NRG3: variants seen among roughly 807,000 people sequenced by gnomAD.
The protein encoded by NRG3 is pro-neuregulin-3, membrane-bound isoform.
NRG3 carries 31 observed loss-of-function variants against 66.9 expected under a neutral mutation model. The ratio of observed to expected loss-of-function variants is 0.46; its 90% CI spans 0.35 to 0.63. NRG3 has a LOEUF of 0.63. NRG3 is among the 20% of genes least tolerant of loss of function. The pLI is 0.00. For missense variants in NRG3, 910 were observed against 878.9 expected (o/e 1.04, Z -0.45); for synonymous variants, 393 against 359.4 (o/e 1.09, Z -1.06).
At chr10:82,725,972 A>G (rs962649931) in intron 2 of NRG3, among the ~76,000 whole-genome samples, 13 of 152,204 alleles carry the variant, frequency 8.5e-5, no homozygotes, top group Admixed American at 7.2e-4. Flanking sequence ...TTAGGGGAAA[A>G]TTAAGGTTAA....
intron 1 of NRG3, among the ~76,000 whole-genome samples, chr10:81,920,099 T>G (rs1264693647): frequency 6.7e-6 from 1 of 149,292 alleles, no homozygotes; most frequent in Non-Finnish European, 1.5e-5. Flanking sequence ...TGGACACAGC[T>G]GTCTTATGGC....
At chr10:82,507,152 G>A (rs1416148823) in intron 2 of NRG3, among the ~76,000 whole-genome samples, 1 of 152,190 alleles carries the variant, frequency 6.6e-6, no homozygotes, top group East Asian at 1.9e-4. Flanking sequence ...GCCATGCTGG[G>A]CCCTGACAGC....
At chr10:82,342,855 G>C (rs1362808877) in intron 1 of NRG3, among the ~76,000 whole-genome samples, 1 of 152,038 alleles carries the variant, frequency 6.6e-6, no homozygotes. Flanking sequence ...CCAGTGTTCA[G>C]TAAAGTTTTT....
chr10:82,898,717 T>TCC (rs34252044), intron 4 of NRG3, among the ~76,000 whole-genome samples: 2 of 69,654 alleles, frequency 2.9e-5, no homozygotes, highest in African/African-American at 1.2e-4. Flanking sequence ...AGTTTTACCT[T>TCC]TTTTTTTTTT....
chr10:82,286,292 T>C (rs2079414645), intron 1 of NRG3, among the ~76,000 whole-genome samples: 1 of 152,162 alleles, frequency 6.6e-6, no homozygotes, highest in African/African-American at 2.4e-5. Context: ...TATAGATTAT[T>C]AGTTACATTT....
chr10:82,362,333 A>ATGTGTGTG lies in NRG3; in HGVS notation c.953+3503_953+3510dup, dbSNP rs56996997. Among the ~76,000 whole-genome samples the ATGTGTGTG allele has an allele frequency of 1.7e-3, 233 of 135,942 alleles. 1 individual carries two copies. The highest frequency in any genetic ancestry group is 5.8e-3 in the African/African-American group (215 of 37,078). The allele number at this position is 135,942 out of a possible 152,430, so 89.2% of individuals were successfully genotyped here. On this transcript the variant is annotated intron_variant, in intron 2 of 8. Transcript: ENST00000372141. ...TTCAAAATATAATGTGTATATATATATGTGTGTGTGTGTGTGTGTGTGTGT... is the reference window on the plus strand; with the variant it reads ...TTCAAAATATAATGTGTATATATATATGTGTGTGTGTGTGTGTGTGTGTGTGTGTGTGT...
Position 82,098,441 on chromosome 10 carries a change from A to G in NRG3, c.823+222278A>G, listed in dbSNP as rs183566208. Among the ~76,000 whole-genome samples the G allele has an allele frequency of 1.2e-3, 180 of 152,286 alleles. 1 individual carries two copies. The highest frequency in any genetic ancestry group is 4.2e-3 in the African/African-American group (175 of 41,560). The stretch of plus-strand genomic sequence containing the variant: ...TCTTGGCAAAAACAGCCAGAGCAGC[A>G]TCTTAGTGCTGCTCCTTGAGCCCCC... On this transcript the variant is annotated intron_variant, in intron 1 of 8. Transcript: ENST00000372141.
At chr10:82,620,575 C>G (rs1324660027) in intron 2 of NRG3, among the ~76,000 whole-genome samples, 1 of 152,114 alleles carries the variant, frequency 6.6e-6, no homozygotes, top group Non-Finnish European at 1.5e-5. Context: ...CCAAATGAGT[C>G]TGGGTCTTTA....
At chr10:82,970,769 C>T (rs1298682220) in intron 6 of NRG3, among the ~76,000 whole-genome samples, 2 of 152,060 alleles carry the variant, frequency 1.3e-5, no homozygotes, top group South Asian at 2.1e-4. Context: ...GGTGTTTTGT[C>T]CTGGTAACAA....
At chr10:82,150,528 C>CAAA (rs1264827514) in intron 1 of NRG3, among the ~76,000 whole-genome samples, 3 of 51,738 alleles carry the variant, frequency 5.8e-5, no homozygotes, top group African/African-American at 2.6e-4. Context: ...AAAGAGCACA[C>CAAA]ACAAAAAAAA....
At position 82,911,768 on chromosome 10, in the gene NRG3, C is replaced by A. The variant is rs187984376; in HGVS notation, c.1055-39701C>A. On this transcript the variant is annotated intron_variant, in intron 4 of 8. Coordinates refer to ENST00000372141, the MANE Select transcript of NRG3 (RefSeq NM_001010848.4). The stretch of plus-strand genomic sequence containing the variant: ...GATATTGCTCTAGTTTTTATTATTT[C>A]TCTTCTTCTGATTACTGTAGATATT... Among the ~76,000 whole-genome samples, 6 of 151,304 alleles carry A rather than the reference C, an allele frequency of 4.0e-5. No homozygotes were observed. The East Asian group carries it at 1.2e-3, about 29-fold the overall frequency.
At chr10:82,221,538 A>G (rs1201507785) in intron 1 of NRG3, among the ~76,000 whole-genome samples, 1 of 152,214 alleles carries the variant, frequency 6.6e-6, no homozygotes, top group Non-Finnish European at 1.5e-5. Context: ...GCAGGCAGGT[A>G]GAAATTGAGA....
chr10:82,354,442 G>A (rs974396633), intron 1 of NRG3, among the ~76,000 whole-genome samples: 1 of 150,654 alleles, frequency 6.6e-6, no homozygotes, highest in Non-Finnish European at 1.5e-5. Flanking sequence ...CCAGGCTAGA[G>A]TGCAATGGCG....
intron 2 of NRG3, among the ~76,000 whole-genome samples, chr10:82,462,825 A>C (rs2131981781): frequency 6.6e-6 from 1 of 152,336 alleles, no homozygotes; most frequent in Admixed American, 6.5e-5. Context: ...ATACAAGTCT[A>C]AAATTGATCT....
intron 2 of NRG3, among the ~76,000 whole-genome samples, chr10:82,610,483 T>G (rs1011736091): frequency 1.1e-4 from 17 of 152,178 alleles, no homozygotes; most frequent in African/African-American, 4.1e-4. Flanking sequence ...TGTAATTGAC[T>G]TTTTCATGAA....
chr10:81,878,207 G>A (rs2132446182), intron 1 of NRG3: 3 of 871,118 alleles, frequency 3.4e-6, no homozygotes, highest in Admixed American at 3.1e-5. Context: ...GGAAAAGAGG[G>A]GAAAAATCTG....
At chr10:82,963,808 T>C (rs199794825) in intron 6 of NRG3, among the ~76,000 whole-genome samples, 3 of 152,224 alleles carry the variant, frequency 2.0e-5, no homozygotes, top group East Asian at 3.9e-4. Flanking sequence ...AAAATGTCTT[T>C]AAACAATCAC....
chr10:82,266,774 G>C (rs1429329982), intron 1 of NRG3, among the ~76,000 whole-genome samples: 3 of 152,186 alleles, frequency 2.0e-5, no homozygotes, highest in Non-Finnish European at 4.4e-5. Context: ...GAAAGAGAAA[G>C]AAGCATTAGG....
intron 2 of NRG3, among the ~76,000 whole-genome samples, chr10:82,724,899 T>C (rs981745222): frequency 1.3e-5 from 2 of 152,184 alleles, no homozygotes; most frequent in African/African-American, 4.8e-5. Flanking sequence ...CTGATCAAGG[T>C]ACGTACTGTT....
Sources: allele counts gnomAD v4.1 joint callset (sites outside exome capture counted in the v4.1 genomes callset), GRCh38; gene constraint gnomAD v4.1.1; transcripts MANE v1.5; gene names NCBI Gene and HGNC (gene_info 2026-07-23, HGNC 2026-07-21).